The following CACNA1B variants were observed in gnomAD, a reference collection of about 807,000 sequenced individuals.
CACNA1B encodes the protein calcium voltage-gated channel subunit alpha1 B.
Under a neutral mutation model 247.2 loss-of-function variants are expected in CACNA1B, and 70 were observed. That is an observed-to-expected ratio of 0.28 (90% CI 0.23 to 0.35). The LOEUF (loss-of-function observed/expected upper bound fraction) is 0.35. CACNA1B is among the 10% of genes least tolerant of loss of function. CACNA1B has a pLI of 1.00. For synonymous variants in CACNA1B, 1,231 were observed against 1,294.4 expected (o/e 0.95, Z 1.05); for missense variants, 2,367 against 3,197.4 (o/e 0.74, Z 6.26).
intron 13 of CACNA1B, among the ~76,000 whole-genome samples, chr9:137,985,403 C>G (rs1282897168): frequency 1.3e-5 from 2 of 152,188 alleles, no homozygotes; most frequent in Non-Finnish European, 2.9e-5. Context: ...CTTTACCCCA[C>G]CTCCAGGTCT....
At position 138,123,683 on chromosome 9, in the gene CACNA1B, G is replaced by C. The variant is rs1190136093; in HGVS notation, c.*1684G>C. 2.6e-5 allele frequency: 4 copies of C among 151,982 alleles called. No individual in the cohort carries two copies. The highest frequency in any genetic ancestry group is 4.2e-4 in the South Asian group (2 of 4,816). The allele number at this position is 151,982 out of a possible 1,614,324, so 9.4% of individuals were successfully genotyped here. Reference sequence around the variant, plus strand: ...TATGCAACAAAAGACACATTTAATAGAAGTAAAACACACAAGACCGCTGCC... The same window carrying C: ...TATGCAACAAAAGACACATTTAATACAAGTAAAACACACAAGACCGCTGCC... On this transcript the variant is annotated 3_prime_UTR_variant, in exon 47 of 47. Transcript: ENST00000371372.
rs1036043629 is a variant in CACNA1B at position 137,990,476 on chromosome 9, A to C, written c.1974+3622A>C. On this transcript the variant is annotated intron_variant, in intron 15 of 46. Transcript: ENST00000371372. This position sits in a 1 kb window ranked among gnomAD's most constrained non-coding sequence, Gnocchi z 4.5. ...TTAGGCTACCTTAGGGCAAGTTTGC[A>C]TCCTCTCTACAGGACCTCAGCTGAT... Among the ~76,000 whole-genome samples, 2 of 152,158 alleles carry C rather than the reference A, an allele frequency of 1.3e-5. No individual in the cohort carries two copies. The highest frequency in any genetic ancestry group is 4.8e-5 in the African/African-American group (2 of 41,434).
intron 36 of CACNA1B, among the ~76,000 whole-genome samples, chr9:138,079,339 A>G (rs553715233): frequency 2.6e-5 from 4 of 152,282 alleles, no homozygotes; most frequent in African/African-American, 7.2e-5. Flanking sequence ...AGATCCAGAA[A>G]CTGAGGTGGA....
chr9:137,984,300 G>A (rs200715261), intron 13 of CACNA1B, 50 bp downstream of exon 13: 138 of 1,332,132 alleles, frequency 1.0e-4, no homozygotes, highest in Non-Finnish European at 1.3e-4. Flanking sequence ...TGGAGAGGGC[G>A]TGGGATCAGC....
rs1446138941 is a variant in CACNA1B at position 138,054,822 on chromosome 9, C to A, written c.3968+816C>A. 6.6e-6 allele frequency among the ~76,000 whole-genome samples: 1 copy of A among 152,204 alleles called. No individual in the cohort carries two copies. The highest frequency in any genetic ancestry group is 1.5e-5 in the Non-Finnish European group (1 of 68,038). On this transcript the variant is annotated intron_variant, in intron 26 of 46. Transcript: ENST00000371372. The surrounding 1 kb of genome is among the most constrained non-coding windows in gnomAD (Gnocchi z 4.6). Reference sequence around the variant, plus strand: ...CATCCTAGCTAAATCTTGGTGTTTTCTTTCTCGCCTTTCTGGGTGTAGTGG... The same window carrying A: ...CATCCTAGCTAAATCTTGGTGTTTTATTTCTCGCCTTTCTGGGTGTAGTGG...
rs1564207715 is a variant in CACNA1B at position 137,957,781 on chromosome 9, C to T, written c.1333+94C>T. The T allele has an allele frequency of 1.2e-6, 1 of 829,884 alleles. No homozygotes were observed. Among genetic ancestry groups the T allele is most frequent in the Non-Finnish European group, 1.8e-6 (1 of 545,110 alleles). The allele number at this position is 829,884 out of a possible 1,614,324, so 51.4% of individuals were successfully genotyped here. On this transcript the variant is annotated intron_variant, in intron 10 of 46. Transcript: ENST00000371372. This position sits in a 1 kb window ranked among gnomAD's most constrained non-coding sequence, Gnocchi z 4.7. ...CCTGCTACCCAGCCACTGTTGGACG[C>T]CCCTTCTTGCCCAAACGCCTGCAGG...
At chr9:138,113,068 A>C (rs575522946) in intron 40 of CACNA1B, among the ~76,000 whole-genome samples, 1 of 132,460 alleles carries the variant, frequency 7.5e-6, no homozygotes, top group African/African-American at 3.0e-5. Context: ...GGAGGTGCCC[A>C]ACTCCATCTT....
chr9:137,970,750 C>T (rs923358018), intron 10 of CACNA1B, among the ~76,000 whole-genome samples: 5 of 152,034 alleles, frequency 3.3e-5, no homozygotes, highest in African/African-American at 1.2e-4. Flanking sequence ...GACTGGTGTG[C>T]GTGGACATGG....
At chr9:138,053,086 G>A (rs550828680) in intron 25 of CACNA1B, among the ~76,000 whole-genome samples, 58 of 152,238 alleles carry the variant, frequency 3.8e-4, no homozygotes, top group Non-Finnish European at 6.8e-4. Context: ...CAGAGCACAC[G>A]TGTTCCTGTC....
At chr9:138,067,021 A>G (rs186476500) in intron 31 of CACNA1B, among the ~76,000 whole-genome samples, 3 of 152,322 alleles carry the variant, frequency 2.0e-5, no homozygotes, top group African/African-American at 4.8e-5. Context: ...TACACGATGT[A>G]AGGCAGGGGA....
chr9:138,082,325 T>C lies in CACNA1B; in HGVS notation c.5094+4067T>C, dbSNP rs554604091. ...TAACAGAGTTTAATTGAGCAAAGAATGATTCGCAAGTTGTGCAGCCTCCTG... is the reference window on the plus strand; with the variant it reads ...TAACAGAGTTTAATTGAGCAAAGAACGATTCGCAAGTTGTGCAGCCTCCTG... On this transcript the variant is annotated intron_variant, in intron 36 of 46. Transcript: ENST00000371372. Among the ~76,000 whole-genome samples, 4 of 151,478 alleles carry C rather than the reference T, an allele frequency of 2.6e-5. No homozygotes were observed. The South Asian group carries it at 8.3e-4, about 32-fold the overall frequency.
intron 3 of CACNA1B, among the ~76,000 whole-genome samples, chr9:137,887,205 G>A (rs755612806): frequency 4.6e-5 from 7 of 151,200 alleles, no homozygotes; most frequent in African/African-American, 1.2e-4. Context: ...TGTGCACTGC[G>A]CCCCGTGGGT....
chr9:137,975,719 T>C (rs1958211791), intron 11 of CACNA1B, among the ~76,000 whole-genome samples, 188 bp from the exon 12 acceptor site: 1 of 152,170 alleles, frequency 6.6e-6, no homozygotes, highest in Non-Finnish European at 1.5e-5. Flanking sequence ...CTGGAACAGG[T>C]ACCTCTCCGT....
rs201227447 is a variant in CACNA1B at position 138,043,851 on chromosome 9, C to T, written c.3364C>T (p.Arg1122Trp). 16 of 1,613,862 alleles carry T rather than the reference C, an allele frequency of 9.9e-6. No homozygotes were observed. The highest frequency in any genetic ancestry group is 1.3e-5 in the Non-Finnish European group (15 of 1,179,872). ...EADDVMRSGP[R>W]PIVPYSSMFC... ...GGATGACGTGATGAGGAGCGGCCCC[C>T]GGCCTATCGTCCCATACAGCTCCAT... The change falls in exon 21 of 47, where the codon CGG becomes TGG. Residue 1122 changes from arginine to tryptophan, a missense_variant. Physicochemically the swap from Arg to Trp is moderately radical, Grantham distance 101. Transcript: ENST00000371372.
intron 3 of CACNA1B, among the ~76,000 whole-genome samples, chr9:137,907,967 G>A (rs1373410021): frequency 2.6e-5 from 4 of 152,198 alleles, no homozygotes; most frequent in African/African-American, 9.6e-5. Flanking sequence ...CGGCGCCACC[G>A]CCTTTGTCAA....
chr9:138,121,705 C>T lies in CACNA1B; in HGVS notation c.6726C>T (p.Asp2242=), dbSNP rs1407443783. The part of the protein sequence containing the change: ...LSEHNALLQR[D]PLSQPLAPGS... ...AACACAACGCCCTGCTGCAGAGAGA[C>T]CCCCTCAGCCAGCCCCTGGCCCCTG... The change falls in exon 47 of 47, where the codon GAC becomes GAT. Residue 2242 remains aspartate (D), a synonymous_variant. Coordinates refer to ENST00000371372, the MANE Select transcript of CACNA1B (RefSeq NM_000718.4). The surrounding 1 kb of genome is among the most constrained non-coding windows in gnomAD (Gnocchi z 6.8). The T allele has an allele frequency of 4.3e-6, 7 of 1,613,296 alleles. No individual in the cohort carries two copies. Among genetic ancestry groups the T allele is most frequent in the Non-Finnish European group, 5.9e-6 (7 of 1,179,794 alleles).
chr9:137,924,596 C>G (rs1167281817), intron 6 of CACNA1B, among the ~76,000 whole-genome samples: 1 of 152,136 alleles, frequency 6.6e-6, no homozygotes, highest in African/African-American at 2.4e-5. Flanking sequence ...TAGACTGATT[C>G]TTTCCATGTT....
At position 138,073,389 on chromosome 9, in the gene CACNA1B, TG is replaced by T; in HGVS notation, c.4675-95del. 1.4e-6 allele frequency: 1 copy of T among 709,950 alleles called. No homozygotes were observed. Among genetic ancestry groups the T allele is most frequent in the Non-Finnish European group, 2.6e-6 (1 of 392,136 alleles). 44.0% of individuals were successfully genotyped at this position (709,950 alleles called of 1,614,324 possible). A position where few individuals can be genotyped will look rare whatever the true frequency, so the allele number is the denominator to read the frequency against. Reference sequence around the variant, plus strand: ...TTTAATCTTTTTAACCACTTTTCTTTGGGGCCACAGGGATGTGGGAAGAGGT... The same window carrying T: ...TTTAATCTTTTTAACCACTTTTCTTTGGGCCACAGGGATGTGGGAAGAGGT... On this transcript the variant is annotated intron_variant, in intron 32 of 46. Transcript: ENST00000371372. The surrounding 1 kb of genome is among the most constrained non-coding windows in gnomAD (Gnocchi z 6.4).
chr9:137,987,588 T>G (rs1488096612), intron 15 of CACNA1B, among the ~76,000 whole-genome samples: 1 of 152,228 alleles, frequency 6.6e-6, no homozygotes, highest in African/African-American at 2.4e-5. Context: ...CTGTGTTTGC[T>G]GCAGGCCAGG....
Sources: gnomAD v4.1 joint callset for allele counts (sites outside exome capture counted in the v4.1 genomes callset) on GRCh38, gnomAD v4.1.1 for gene constraint, Gnocchi (gnomAD v3.1) non-coding constraint, MANE v1.5 for transcripts, NCBI Gene and HGNC (gene_info 2026-07-23, HGNC 2026-07-21) for gene names.